The following FOCAD variants were observed in gnomAD, a reference collection of about 807,000 sequenced individuals.
FOCAD encodes the protein KIAA1797.
FOCAD carries 198 observed loss-of-function variants against 225.6 expected under a neutral mutation model. That is an observed-to-expected ratio of 0.88 (90% confidence interval 0.78 to 0.99). FOCAD has a LOEUF of 0.99. Among genes scored for constraint, FOCAD ranks in the 50% least tolerant of loss-of-function variants. The pLI, the probability that FOCAD is intolerant of heterozygous loss-of-function variation, is 0.00. For missense variants in FOCAD, 2,713 were observed against 2,123.6 expected (o/e 1.28, Z -5.46); for synonymous variants, 897 against 755.0 (o/e 1.19, Z -3.08).
chr9:20,821,107 G>C, intron 14 of FOCAD, 36 bp downstream of exon 14: 1 of 1,577,570 alleles, frequency 6.3e-7, no homozygotes, highest in Middle Eastern at 1.7e-4. Context: ...TGTATATCAT[G>C]ATATATTATT....
chr9:20,812,514 C>T (rs1198564617), intron 11 of FOCAD, among the ~76,000 whole-genome samples: 2 of 151,884 alleles, frequency 1.3e-5, no homozygotes, highest in East Asian at 3.8e-4. Flanking sequence ...TTTCTGAATC[C>T]AGAGTTGAAT....
intron 19 of FOCAD, among the ~76,000 whole-genome samples, chr9:20,878,759 T>A (rs1830434933): frequency 1.3e-5 from 2 of 152,174 alleles, no homozygotes; most frequent in Admixed American, 1.3e-4. Context: ...AGCTGGAGAC[T>A]GGGATTCTGG....
At chr9:20,942,318 T>G (rs1037006843) in intron 28 of FOCAD, among the ~76,000 whole-genome samples, 2 of 152,216 alleles carry the variant, frequency 1.3e-5, no homozygotes, top group African/African-American at 4.8e-5. Context: ...AAAGAGGGGC[T>G]TCAATCTAGG....
chr9:20,786,446 A>G (rs981173248), intron 10 of FOCAD, among the ~76,000 whole-genome samples: 3 of 152,138 alleles, frequency 2.0e-5, no homozygotes, highest in African/African-American at 7.2e-5. Context: ...CTTCATAGTG[A>G]TATAGTGCTA....
chr9:20,725,866 G>A (rs1242802547), intron 4 of FOCAD, among the ~76,000 whole-genome samples: 1 of 152,142 alleles, frequency 6.6e-6, no homozygotes, highest in Admixed American at 6.6e-5. Context: ...AGTGTTCTCT[G>A]TTCAAAGCTG....
chr9:20,761,709 C>A (rs1284555382), intron 6 of FOCAD, among the ~76,000 whole-genome samples: 1 of 152,102 alleles, frequency 6.6e-6, no homozygotes, highest in African/African-American at 2.4e-5. Flanking sequence ...TGTGAGCCAC[C>A]GTGCCTGGCC....
chr9:20,774,969 A>G (rs934297355), intron 8 of FOCAD, among the ~76,000 whole-genome samples: 23 of 152,206 alleles, frequency 1.5e-4, no homozygotes, highest in Non-Finnish European at 3.1e-4. Flanking sequence ...AACATATGCT[A>G]TAGGTCTATA....
At chr9:20,719,113 G>C (rs1322421264) in intron 3 of FOCAD, among the ~76,000 whole-genome samples, 1 of 151,966 alleles carries the variant, frequency 6.6e-6, no homozygotes, top group Non-Finnish European at 1.5e-5. Flanking sequence ...ACAGAGTCTG[G>C]CTCTGTCGCC....
At chr9:20,950,861 C>T in intron 33 of FOCAD, 135 bp from the exon 34 acceptor site, 1 of 691,078 alleles carries the variant, frequency 1.4e-6, no homozygotes. Flanking sequence ...CATGATATTA[C>T]ATCTTGTCAT....
Position 20,758,184 on chromosome 9 carries a change from C to A in FOCAD, c.487C>A (p.Pro163Thr), listed in dbSNP as rs141466501. ...QQLTAFFQQC[P>T]ERLEVSCIQI... is the part of the protein sequence containing the mutation. ...GCTGACAGCGTTTTTCCAGCAGTGC[C>A]CTGAAAGGTAATGTAAAATAAAAGT... is the stretch of plus-strand genomic sequence containing the variant. The change falls in exon 6 of 44, where the codon CCT (proline) becomes ACT (threonine). Residue 163 changes from proline (P) to threonine (T), a missense_variant. Physicochemically the swap from Pro to Thr is conservative, Grantham distance 38. Transcript: ENST00000338382. 630 of 1,609,058 alleles carry A rather than the reference C, an allele frequency of 3.9e-4. 2 individuals are homozygous for A. The highest frequency in any genetic ancestry group is 6.7e-4 in the Admixed American group (40 of 59,376).
chr9:20,942,427 G>A (rs1282683103), intron 28 of FOCAD, among the ~76,000 whole-genome samples: 1 of 152,188 alleles, frequency 6.6e-6, no homozygotes, highest in East Asian at 1.9e-4. Flanking sequence ...TGAGCTTTGA[G>A]AGGAATTTGT....
At chr9:20,826,757 C>T (rs1011400208) in intron 15 of FOCAD, among the ~76,000 whole-genome samples, 7 of 152,226 alleles carry the variant, frequency 4.6e-5, no homozygotes, top group Admixed American at 3.3e-4. Flanking sequence ...TCTCAAGACT[C>T]TTCCCAAGTC....
Position 20,946,728 on chromosome 9 carries a change from T to C in FOCAD, c.3583T>C (p.Cys1195Arg). 2 of 1,613,552 alleles carry C rather than the reference T, an allele frequency of 1.2e-6. No homozygotes were observed. Among genetic ancestry groups the C allele is most frequent in the South Asian group, 2.2e-5 (2 of 91,070 alleles). Residue 1195 changes from cysteine (C) to arginine (R), a missense_variant, in exon 30 of 44, where the codon TGT becomes CGT. Cys to Arg is a radical substitution (Grantham distance 180). Transcript: ENST00000338382. ...EVLAYTLSCV[C>R]TSAFSAGIIE... is the part of the protein sequence containing the mutation. The stretch of plus-strand genomic sequence containing the variant: ...CCTTGCCTACACACTTAGCTGTGTA[T>C]GTACATCAGCGTTCAGTGCTGGAAT...
chr9:20,944,656 T>C lies in FOCAD; in HGVS notation c.3437T>C (p.Val1146Ala), dbSNP rs772739367. The C allele has an allele frequency of 5.6e-6, 9 of 1,613,960 alleles. No homozygotes were observed. In the East Asian group the frequency reaches 2.0e-4, roughly 36 times the overall value. ...GGCTGTATATTGGGAGTTGGACTTG[T>C]TCTGTCCCTCATGAGCCACAGCAGC... ...NTGCILGVGL[V>A]LSLMSHSSQM... Residue 1146 changes from valine (V) to alanine (A), a missense_variant, in exon 29 of 44, where the codon GTT becomes GCT. Coordinates refer to ENST00000338382, the MANE Select transcript of FOCAD (RefSeq NM_001375567.1).
intron 15 of FOCAD, among the ~76,000 whole-genome samples, chr9:20,840,593 A>T (rs1826423383): frequency 7.0e-6 from 1 of 142,698 alleles, no homozygotes; most frequent in African/African-American, 2.5e-5. Context: ...CTGATTTTTT[A>T]ATGTTTTTTT....
intron 15 of FOCAD, among the ~76,000 whole-genome samples, chr9:20,855,926 C>CT (rs889771679): frequency 1.3e-5 from 2 of 149,712 alleles, no homozygotes; most frequent in Non-Finnish European, 3.0e-5. Flanking sequence ...GGATTTCATT[C>CT]TTTTTTATGG....
chr9:20,824,847 C>T (rs758760147), intron 15 of FOCAD, among the ~76,000 whole-genome samples: 1 of 151,974 alleles, frequency 6.6e-6, no homozygotes, highest in Non-Finnish European at 1.5e-5. Flanking sequence ...TCTTGTTTTT[C>T]GTCTGTTCAT....
intron 1 of FOCAD, chr9:20,658,596 T>G (rs1374007151): frequency 1.3e-5 from 2 of 154,390 alleles, no homozygotes; most frequent in Non-Finnish European, 2.9e-5. Context: ...CCCTGACCCC[T>G]TGCGCTTCCC....
chr9:20,733,601 G>GCGGTGTTTGGTTTTTTT (rs1826892646), intron 4 of FOCAD, among the ~76,000 whole-genome samples: 2 of 152,068 alleles, frequency 1.3e-5, no homozygotes, highest in African/African-American at 4.8e-5. Context: ...GTGAGAACAT[G>GCGGTGTTTGGTTTTTTT]CGGTGTTTGG....
Sources: gnomAD v4.1 joint callset for allele counts (sites outside exome capture counted in the v4.1 genomes callset) on GRCh38, gnomAD v4.1.1 for gene constraint, MANE v1.5 for transcripts, NCBI Gene and HGNC (gene_info 2026-07-23, HGNC 2026-07-21) for gene names.